TRAPPC8: variants seen among roughly 807,000 people sequenced by gnomAD.
The protein encoded by TRAPPC8 is general sporulation gene 1 homolog.
In TRAPPC8, 54 loss-of-function variants were observed where a neutral mutation model predicts 174.3. The observed-to-expected ratio is 0.31, with a 90% CI of 0.25 to 0.39. The LOEUF is 0.39. Among genes scored for constraint, TRAPPC8 ranks in the 10% least tolerant of loss-of-function variants. TRAPPC8 has a pLI of 1.00. For missense variants in TRAPPC8, 1,531 were observed against 1,699.1 expected, an observed-to-expected ratio of 0.90 and a Z score of 1.74; for synonymous variants, 630 against 579.9, an observed-to-expected ratio of 1.09 and a Z score of -1.24.
intron 1 of TRAPPC8, among the ~76,000 whole-genome samples, chr18:31,942,132 T>A (rs912031995): frequency 6.6e-6 from 1 of 152,224 alleles, no homozygotes; most frequent in Non-Finnish European, 1.5e-5. Context: ...CAGACAGAGA[T>A]GACCCTCAAC....
chr18:31,900,991 C>T lies in TRAPPC8; in HGVS notation c.1424G>A (p.Gly475Glu), dbSNP rs968945511. 1.9e-6 allele frequency: 3 copies of T among 1,586,338 alleles called. No homozygotes were observed. In the African/African-American group the frequency reaches 4.1e-5, roughly 22 times the overall value. The change falls in exon 10 of 29, where the codon GGA becomes GAA. Residue 475 changes from glycine to glutamate, a missense_variant. By Grantham distance (98) the Gly-to-Glu change is moderately conservative (BLOSUM62 -2). Coordinates refer to ENST00000283351, the MANE Select transcript of TRAPPC8 (RefSeq NM_014939.5). ...MAAVSAFLQP[G>E]APRPYPAHYM... is the part of the protein sequence containing the mutation. ...ATGAGCAGGATATGGCCTAGGTGCT[C>T]CTGGTTGAAGAAAAGCAGACACTGC...
rs1598607091 is a variant in TRAPPC8 at position 31,852,517 on chromosome 18, G to A, written c.3503-13C>T. The A allele has an allele frequency of 3.1e-6, 5 of 1,613,982 alleles. No homozygotes were observed. In the East Asian group the frequency reaches 6.7e-5, roughly 22 times the overall value. ...GACTGTGTGGCCGCTAAAAAACAGG[G>A]GAAAACAAACTAATCATATCATTGG... On this transcript the variant is annotated splice_polypyrimidine_tract_variant and intron_variant, in intron 23 of 28. Transcript: ENST00000283351.
chr18:31,864,846 G>GA (rs1188478748), intron 18 of TRAPPC8, 65 bp from the exon 19 acceptor site: 1 of 1,325,504 alleles, frequency 7.5e-7, no homozygotes, highest in Non-Finnish European at 1.0e-6. Flanking sequence ...AATTTAACTT[G>GA]AATATGTGAA....
chr18:31,933,615 T>C (rs1242710106), intron 1 of TRAPPC8, among the ~76,000 whole-genome samples: 1 of 152,130 alleles, frequency 6.6e-6, no homozygotes, highest in Non-Finnish European at 1.5e-5. Flanking sequence ...CCATGGGTTA[T>C]TATCACATAC....
At chr18:31,884,783 G>GCTTCA (rs2035623820) in intron 12 of TRAPPC8, among the ~76,000 whole-genome samples, 1 of 151,954 alleles carries the variant, frequency 6.6e-6, no homozygotes, top group African/African-American at 2.4e-5. Flanking sequence ...AAGGTGGGAT[G>GCTTCA]ATCTCTTGAA....
intron 12 of TRAPPC8, among the ~76,000 whole-genome samples, chr18:31,879,325 G>A (rs1244992245): frequency 6.6e-6 from 1 of 152,052 alleles, no homozygotes; most frequent in African/African-American, 2.4e-5. Context: ...CAGGAGGAAC[G>A]CTCAAAACCA....
chr18:31,864,026 A>G (rs886727274), intron 19 of TRAPPC8, among the ~76,000 whole-genome samples: 8 of 145,904 alleles, frequency 5.5e-5, no homozygotes, highest in African/African-American at 2.1e-4. Context: ...TTATTATAAT[A>G]TGTTCTATAA....
At chr18:31,837,324 TAA>T (rs71175796) in intron 27 of TRAPPC8, among the ~76,000 whole-genome samples, 15 of 149,920 alleles carry the variant, frequency 1.0e-4, no homozygotes, top group Non-Finnish European at 1.3e-4. Context: ...CGTTACTATG[TAA>T]AAAAAAAAAG....
intron 1 of TRAPPC8, chr18:31,939,318 T>G (rs1309104308): frequency 6.6e-6 from 1 of 152,140 alleles, no homozygotes; most frequent in Non-Finnish European, 1.5e-5. Flanking sequence ...CACAACTCAC[T>G]AATCTCCAAA....
intron 26 of TRAPPC8, among the ~76,000 whole-genome samples, chr18:31,842,758 G>A (rs761028748): frequency 1.3e-5 from 2 of 152,156 alleles, no homozygotes; most frequent in Non-Finnish European, 2.9e-5. Flanking sequence ...ATGCTCTTCA[G>A]ACCATTTTGG....
At chr18:31,874,401 T>C in intron 13 of TRAPPC8, 79 bp downstream of exon 13, 2 of 1,375,978 alleles carry the variant, frequency 1.5e-6, no homozygotes, top group Middle Eastern at 1.9e-4. Context: ...AAAACTATCG[T>C]AAGATATGGT....
intron 1 of TRAPPC8, among the ~76,000 whole-genome samples, chr18:31,932,601 G>C (rs2037895235): frequency 1.3e-5 from 2 of 152,150 alleles, no homozygotes; most frequent in Admixed American, 1.3e-4. Flanking sequence ...ATTACAGCAA[G>C]AAGACAGTGT....
chr18:31,923,542 T>C (rs905178418), intron 2 of TRAPPC8, among the ~76,000 whole-genome samples: 2 of 152,182 alleles, frequency 1.3e-5, no homozygotes, highest in East Asian at 1.9e-4. Flanking sequence ...TGGTGAAAAT[T>C]AGAAGCATAC....
chr18:31,873,620 G>A (rs2035001406), intron 13 of TRAPPC8, 82 bp from the exon 14 acceptor site: 4 of 907,384 alleles, frequency 4.4e-6, no homozygotes, highest in South Asian at 3.2e-5. Flanking sequence ...TAATACACAA[G>A]GCATTAAAAA....
At chr18:31,849,201 G>T (rs1174474129) in intron 25 of TRAPPC8, among the ~76,000 whole-genome samples, 1 of 152,032 alleles carries the variant, frequency 6.6e-6, no homozygotes, top group African/African-American at 2.4e-5. Flanking sequence ...TATGAAATAT[G>T]AATAACAAAA....
intron 15 of TRAPPC8, 70 bp from the exon 16 acceptor site, chr18:31,870,572 A>G (rs2034806518): frequency 6.7e-7 from 1 of 1,500,682 alleles, no homozygotes; most frequent in Non-Finnish European, 9.1e-7. Flanking sequence ...TCGATCTTCT[A>G]AATGCATCTT....
In TRAPPC8 at chr18:31,897,908, A is replaced by G. The variant is rs201881566; in HGVS notation, c.1491-17T>C. 18 of 1,598,960 alleles carry G rather than the reference A, an allele frequency of 1.1e-5. No individual in the cohort carries two copies. In the African/African-American group the frequency reaches 2.1e-4, roughly 19 times the overall value. On this transcript the variant is annotated splice_polypyrimidine_tract_variant and intron_variant, in intron 10 of 28. Transcript: ENST00000283351. The stretch of plus-strand genomic sequence containing the variant: ...ACCATATTCCTATAGAAAAAAGGAC[A>G]AGAAGATAAAATAGCACAATAATAC...
At chr18:31,858,368 TACTTATG>T (rs2034145543) in intron 19 of TRAPPC8, among the ~76,000 whole-genome samples, 1 of 152,208 alleles carries the variant, frequency 6.6e-6, no homozygotes, top group African/African-American at 2.4e-5. Flanking sequence ...GCAGCTCAAC[TACTTATG>T]TCTATATCAT....
chr18:31,913,346 C>T, intron 5 of TRAPPC8, 23 bp downstream of exon 5: 1 of 1,546,416 alleles, frequency 6.5e-7, no homozygotes, highest in Non-Finnish European at 8.7e-7. Context: ...TTGTGGTTTG[C>T]TTCATTTATT....
Sources: allele counts gnomAD v4.1 joint callset (sites outside exome capture counted in the v4.1 genomes callset), GRCh38; gene constraint gnomAD v4.1.1; transcripts MANE v1.5; gene names NCBI Gene and HGNC (gene_info 2026-07-23, HGNC 2026-07-21).